Variants in SLC35F2 observed in about 807,000 individuals in gnomAD.
The protein encoded by SLC35F2 is queuine/queuosine transporter SLC35F2.
In SLC35F2, 25 loss-of-function variants were observed where a neutral mutation model predicts 38.1. That is an observed-to-expected ratio of 0.66 (90% CI 0.48 to 0.92). SLC35F2 has a LOEUF of 0.92. Ranked by LOEUF, SLC35F2 falls within the 40% of genes least tolerant of loss-of-function variation. SLC35F2 has a pLI of 0.00. For synonymous variants in SLC35F2, 173 were observed against 181.7 expected (o/e 0.95, Z 0.38); for missense variants, 409 against 452.9 (o/e 0.90, Z 0.88).
At chr11:107,799,486 CTT>C (rs1372929633) in intron 7 of SLC35F2, among the ~76,000 whole-genome samples, 1 of 152,218 alleles carries the variant, frequency 6.6e-6, no homozygotes, top group African/African-American at 2.4e-5. Context: ...CACAGAAAAA[CTT>C]AAGGCTGACA....
rs182783095 is a variant in SLC35F2 at position 107,834,306 on chromosome 11, A to T, written c.111-18341T>A. Among the ~76,000 whole-genome samples, 346 of 152,336 alleles carry T rather than the reference A, an allele frequency of 2.3e-3. 2 individuals carry two copies. The highest frequency in any genetic ancestry group is 8.0e-3 in the African/African-American group (332 of 41,574). The stretch of plus-strand genomic sequence containing the variant: ...AGCGAGTTAGAGTAAAAACAAGGTT[A>T]GGCATTACAAAATAAATTCCAAATA... On this transcript the variant is annotated intron_variant, in intron 1 of 7. Transcript: ENST00000525815.
At chr11:107,799,893 GTTTT>G (rs71047621) in intron 7 of SLC35F2, among the ~76,000 whole-genome samples, 5 of 135,872 alleles carry the variant, frequency 3.7e-5, no homozygotes, top group African/African-American at 5.9e-5. Flanking sequence ...GTTTGTTTTT[GTTTT>G]TTTTTTTTTG....
intron 1 of SLC35F2, among the ~76,000 whole-genome samples, chr11:107,843,830 G>T (rs1484693050): frequency 8.6e-6 from 1 of 116,904 alleles, no homozygotes; most frequent in Non-Finnish European, 1.6e-5. Context: ...GGGTGACAAA[G>T]TGAGACTCTG....
At chr11:107,849,925 GC>G (rs911858249) in intron 1 of SLC35F2, among the ~76,000 whole-genome samples, 3 of 152,158 alleles carry the variant, frequency 2.0e-5, no homozygotes, top group African/African-American at 4.8e-5. Context: ...GTACATGTCT[GC>G]CCCTTTAACA....
chr11:107,838,774 G>A (rs1344397690), intron 1 of SLC35F2, among the ~76,000 whole-genome samples: 1 of 151,690 alleles, frequency 6.6e-6, no homozygotes, highest in Admixed American at 6.6e-5. Flanking sequence ...GACTACAGGC[G>A]TGCACCTCCA....
chr11:107,826,378 G>A (rs1218408545), intron 1 of SLC35F2, among the ~76,000 whole-genome samples: 2 of 151,522 alleles, frequency 1.3e-5, no homozygotes, highest in Admixed American at 1.3e-4. Context: ...CCAAGTAGCT[G>A]GGATTACAGG....
intron 3 of SLC35F2, among the ~76,000 whole-genome samples, chr11:107,808,341 T>C (rs1859429219): frequency 6.7e-6 from 1 of 150,026 alleles, no homozygotes; most frequent in Non-Finnish European, 1.5e-5. Context: ...CAAAATTGTT[T>C]GCAAGATAAA....
chr11:107,791,714 AAAAC>A lies in SLC35F2; in HGVS notation c.*897_*900del, dbSNP rs1262857291. 2.0e-5 allele frequency: 3 copies of A among 152,366 alleles called. No individual in the cohort carries two copies. The highest frequency in any genetic ancestry group is 1.9e-4 in the East Asian group (1 of 5,178). 9.4% of individuals were successfully genotyped at this position (152,366 alleles called of 1,614,324 possible). A position where few individuals can be genotyped will look rare whatever the true frequency, so the allele number is the denominator to read the frequency against. On this transcript the variant is annotated 3_prime_UTR_variant, in exon 8 of 8. Coordinates refer to ENST00000525815, the MANE Select transcript of SLC35F2 (RefSeq NM_017515.5). The stretch of plus-strand genomic sequence containing the variant: ...CATGGCGAAACCCCATCTCTCTACA[AAAAC>A]AAACAAAACAGGCCTGGCACGGTGG...
chr11:107,831,481 T>C (rs1332275362), intron 1 of SLC35F2, among the ~76,000 whole-genome samples: 2 of 152,096 alleles, frequency 1.3e-5, no homozygotes, highest in African/African-American at 4.8e-5. Flanking sequence ...TGCCTAGACC[T>C]CCCAAAGCAC....
intron 1 of SLC35F2, among the ~76,000 whole-genome samples, chr11:107,829,116 G>A (rs1436054000): frequency 7.0e-6 from 1 of 143,274 alleles, no homozygotes; most frequent in Non-Finnish European, 1.5e-5. Flanking sequence ...GGAGCAGGAG[G>A]TCAGTAGGAA....
At chr11:107,816,252 T>G (rs1350096192) in intron 1 of SLC35F2, 1 of 981,280 alleles carries the variant, frequency 1.0e-6, no homozygotes, top group African/African-American at 1.8e-5. Flanking sequence ...TAACATATAC[T>G]TTGTAAAGTG....
chr11:107,794,476 G>A (rs1565425791), intron 7 of SLC35F2, among the ~76,000 whole-genome samples: 1 of 152,152 alleles, frequency 6.6e-6, no homozygotes, highest in African/African-American at 2.4e-5. Context: ...ACTATGTACT[G>A]TAACTAATGT....
chr11:107,800,421 A>G (rs943675149), intron 7 of SLC35F2, among the ~76,000 whole-genome samples: 6 of 123,448 alleles, frequency 4.9e-5, no homozygotes, highest in African/African-American at 1.6e-4. Flanking sequence ...AATAGCATAA[A>G]TAAGGATTTG....
At chr11:107,818,071 AAAAAGAAAGAAAGAAAGAAAGAAAGAAAG>A (rs1163557456) in intron 1 of SLC35F2, among the ~76,000 whole-genome samples, 35 of 105,782 alleles carry the variant, frequency 3.3e-4, no homozygotes, top group Non-Finnish European at 4.7e-4. Context: ...AAAAAAAAAA[AAAAAGAAAGAAAGAAAGAAAGAAAGAAAG>A]AAAGAAAGAA....
At position 107,811,902 on chromosome 11, in the gene SLC35F2, T is replaced by TTTC; in HGVS notation, c.287-111_287-109dup. 4.7e-6 allele frequency: 5 copies of TTTC among 1,069,756 alleles called. No homozygotes were observed. The South Asian group carries it at 6.6e-5, about 14-fold the overall frequency. The allele number at this position is 1,069,756 out of a possible 1,614,324, so 66.3% of individuals were successfully genotyped here. A position where few individuals can be genotyped will look rare whatever the true frequency, so the allele number is the denominator to read the frequency against. ...AAGAGTTTCTTGTTTTTTTTTCTTT[T>TTTC]TTCTTCTTCTTCTTTTTGAGATAGG... On this transcript the variant is annotated intron_variant, in intron 2 of 7. Coordinates refer to ENST00000525815, the MANE Select transcript of SLC35F2 (RefSeq NM_017515.5).
intron 1 of SLC35F2, among the ~76,000 whole-genome samples, chr11:107,825,339 G>C (rs967485271): frequency 4.0e-5 from 6 of 151,052 alleles, no homozygotes; most frequent in African/African-American, 1.5e-4. Flanking sequence ...TTGGAGAGAG[G>C]CCTGAGATTC....
At chr11:107,816,019 C>T (rs1263256370) in intron 1 of SLC35F2, 54 bp from the exon 2 acceptor site, 1 of 1,035,232 alleles carries the variant, frequency 9.7e-7, no homozygotes, top group South Asian at 2.4e-5. Flanking sequence ...ATACCTTACA[C>T]ACACACACAC....
At chr11:107,809,772 G>T (rs1859453860) in intron 3 of SLC35F2, 1 of 984,480 alleles carries the variant, frequency 1.0e-6, no homozygotes, top group Admixed American at 6.2e-5. Context: ...ATAAAAACAA[G>T]TTAGATCATA....
At position 107,828,567 on chromosome 11, in the gene SLC35F2, C is replaced by T. The variant is rs140404591; in HGVS notation, c.111-12602G>A. 2.9e-3 allele frequency among the ~76,000 whole-genome samples: 435 copies of T among 152,118 alleles called. 3 individuals carry two copies. Among genetic ancestry groups the T allele is most frequent in the African/African-American group, 0.01 (419 of 41,492 alleles). On this transcript the variant is annotated intron_variant, in intron 1 of 7. Transcript: ENST00000525815. Reference sequence around the variant, plus strand: ...GAAATGAATTAATGTTTATCCTGCCCTTCTTATACAAATTATACCTCAGGG... The same window carrying T: ...GAAATGAATTAATGTTTATCCTGCCTTTCTTATACAAATTATACCTCAGGG...
Sources: allele counts gnomAD v4.1 joint callset (sites outside exome capture counted in the v4.1 genomes callset), GRCh38; gene constraint gnomAD v4.1.1; transcripts MANE v1.5; gene names NCBI Gene and HGNC (gene_info 2026-07-23, HGNC 2026-07-21).